OPRM1: variants seen among roughly 807,000 people sequenced by gnomAD.
OPRM1 encodes the protein mu-type opioid receptor.
OPRM1 carries 27 observed loss-of-function variants against 31.8 expected under a neutral mutation model. The observed-to-expected ratio is 0.85, with a 90% confidence interval of 0.63 to 1.17. The LOEUF is 1.17. Ranked by LOEUF, OPRM1 falls within the 50% of genes most tolerant of loss-of-function variation. OPRM1 has a pLI of 0.00. For missense variants in OPRM1, 536 were observed against 511.1 expected (o/e 1.05, Z -0.47); for synonymous variants, 196 against 189.9 (o/e 1.03, Z -0.26).
exon 1 of OPRM1, chr6:154,010,934 A>G: frequency 7.7e-7 from 1 of 1,300,160 alleles, no homozygotes; most frequent in African/African-American, 1.5e-5. Flanking sequence ...TTTCCTGGAA[A>G]CCTGGAGCAC....
intron 3 of OPRM1, among the ~76,000 whole-genome samples, chr6:154,162,704 T>A (rs1353822030): frequency 1.9e-5 from 1 of 53,484 alleles, no homozygotes; most frequent in Non-Finnish European, 4.6e-5. Flanking sequence ...CTCTGCTCTA[T>A]CTATGTTCAT....
At chr6:154,052,240 A>C (rs1365460015) in intron 1 of OPRM1, among the ~76,000 whole-genome samples, 1 of 152,152 alleles carries the variant, frequency 6.6e-6, no homozygotes, top group East Asian at 1.9e-4. Context: ...GGGGCTTAAA[A>C]CCTAGATGAC....
chr6:154,207,595 G>A (rs1313693810), intron 3 of OPRM1, among the ~76,000 whole-genome samples: 1 of 151,950 alleles, frequency 6.6e-6, no homozygotes, highest in East Asian at 1.9e-4. Context: ...TAAAGACGGG[G>A]TTTCACCATG....
intron 3 of OPRM1, among the ~76,000 whole-genome samples, chr6:154,100,094 T>TG (rs1794456084): frequency 1.6e-5 from 1 of 64,158 alleles, no homozygotes; most frequent in Non-Finnish European, 3.0e-5. Context: ...TATATTATCA[T>TG]ATTATGATAT....
At chr6:154,074,755 C>T (rs943094045) in intron 1 of OPRM1, among the ~76,000 whole-genome samples, 2 of 145,710 alleles carry the variant, frequency 1.4e-5, no homozygotes, top group Non-Finnish European at 3.0e-5. Context: ...AGCAAGACTC[C>T]AAATAAAAAA....
chr6:154,238,039 A>T lies in OPRM1; in HGVS notation c.1165-8654A>T, dbSNP rs992986523. Among the ~76,000 whole-genome samples the T allele has an allele frequency of 4.6e-5, 7 of 152,370 alleles. No individual in the cohort carries two copies. In the East Asian group the frequency reaches 1.3e-3, roughly 29 times the overall value. The stretch of plus-strand genomic sequence containing the variant: ...TCTATGCATTGGCAAATCAACTATC[A>T]TATATGCATATATAATTCTTACAGC... On this transcript the variant is annotated intron_variant, in intron 3 of 3. Transcript: ENST00000337049.
At chr6:154,231,851 A>G (rs1246868025) in intron 3 of OPRM1, among the ~76,000 whole-genome samples, 1 of 152,226 alleles carries the variant, frequency 6.6e-6, no homozygotes, top group Non-Finnish European at 1.5e-5. Context: ...ACAAACACGA[A>G]AAAGAAAAGC....
intron 3 of OPRM1, among the ~76,000 whole-genome samples, chr6:154,198,734 T>A (rs984598284): frequency 6.6e-6 from 1 of 152,022 alleles, no homozygotes; most frequent in Admixed American, 6.5e-5. Flanking sequence ...AGGGTACCCA[T>A]CTGAAATTTG....
At chr6:154,216,510 G>A (rs1778405685) in intron 3 of OPRM1, among the ~76,000 whole-genome samples, 2 of 152,148 alleles carry the variant, frequency 1.3e-5, no homozygotes, top group African/African-American at 2.4e-5. Flanking sequence ...CTTCAAAAAC[G>A]ATATGTTTTT....
At chr6:154,226,615 CAA>C (rs918840054) in intron 3 of OPRM1, among the ~76,000 whole-genome samples, 2 of 152,128 alleles carry the variant, frequency 1.3e-5, no homozygotes, top group African/African-American at 4.8e-5. Flanking sequence ...TGAATTACCG[CAA>C]AAGTCTCCTC....
intron 3 of OPRM1, among the ~76,000 whole-genome samples, chr6:154,229,053 T>A (rs769286248): frequency 2.0e-5 from 3 of 152,202 alleles, no homozygotes; most frequent in African/African-American, 7.2e-5. Flanking sequence ...CCTATTCCCT[T>A]AAGTCTGGAC....
At chr6:154,223,865 T>C (rs962150107) in intron 3 of OPRM1, among the ~76,000 whole-genome samples, 1 of 152,248 alleles carries the variant, frequency 6.6e-6, no homozygotes, top group African/African-American at 2.4e-5. Context: ...AGTCCCATCA[T>C]TGATTTCTGG....
At chr6:154,150,017 A>G (rs1798457605) in intron 3 of OPRM1, among the ~76,000 whole-genome samples, 1 of 152,210 alleles carries the variant, frequency 6.6e-6, no homozygotes, top group Admixed American at 6.5e-5. Context: ...ATGTCCCACC[A>G]AGGCAGATTA....
chr6:154,089,102 G>A (rs1369828348), intron 1 of OPRM1, among the ~76,000 whole-genome samples: 1 of 152,096 alleles, frequency 6.6e-6, no homozygotes, highest in East Asian at 1.9e-4. Flanking sequence ...GTTTGTATGT[G>A]CATGTGTTTG....
At chr6:154,226,425 G>T (rs144412821) in intron 3 of OPRM1, among the ~76,000 whole-genome samples, 3 of 151,910 alleles carry the variant, frequency 2.0e-5, no homozygotes, top group African/African-American at 7.2e-5. Flanking sequence ...TGACTTCAGT[G>T]AATAATATCA....
At chr6:154,140,331 TA>T (rs1413483543) in intron 3 of OPRM1, among the ~76,000 whole-genome samples, 22 of 119,744 alleles carry the variant, frequency 1.8e-4, no homozygotes, top group South Asian at 1.6e-3. Flanking sequence ...TATGTTATTT[TA>T]TTTTTTTTTT....
At position 154,091,293 on chromosome 6, in the gene OPRM1, A is replaced by G. The variant is rs1792112005; in HGVS notation, c.985A>G (p.Thr329Ala). Residue 329 changes from threonine to alanine, a missense_variant, in exon 3 of 4, where the codon ACA (threonine) becomes GCA (alanine). Transcript: ENST00000330432. ...SWHFCIALGY[T>A]NSCLNPVLYA... ...GCACTTCTGCATTGCTCTAGGTTAC[A>G]CAAACAGCTGCCTCAACCCAGTCCT... 1.2e-6 allele frequency: 2 copies of G among 1,614,196 alleles called. No individual in the cohort carries two copies. Among genetic ancestry groups the G allele is most frequent in the South Asian group, 2.2e-5 (2 of 91,086 alleles).
rs1797237300 is a variant in OPRM1 at position 154,120,350 on chromosome 6, C to T, written c.*1629C>T. Among the ~76,000 whole-genome samples the T allele has an allele frequency of 1.3e-5, 2 of 152,116 alleles. No homozygotes were observed. The highest frequency in any genetic ancestry group is 6.6e-5 in the Admixed American group (1 of 15,262). On this transcript the variant is annotated 3_prime_UTR_variant, in exon 4 of 4. Coordinates refer to ENST00000330432, the MANE Select transcript of OPRM1 (RefSeq NM_000914.5). The stretch of plus-strand genomic sequence containing the variant: ...GATCTATTGGCTATAGTTATGTGGA[C>T]TCAACCCACGTATCCAGTAGATGGG...
At chr6:154,060,364 C>A (rs1450276885) in intron 1 of OPRM1, among the ~76,000 whole-genome samples, 1 of 152,240 alleles carries the variant, frequency 6.6e-6, no homozygotes, top group East Asian at 1.9e-4. Context: ...AAGTACCCAG[C>A]AAAGTAGTGG....
Sources: gnomAD v4.1 joint callset for allele counts (sites outside exome capture counted in the v4.1 genomes callset) on GRCh38, gnomAD v4.1.1 for gene constraint, MANE v1.5 for transcripts, NCBI Gene and HGNC (gene_info 2026-07-23, HGNC 2026-07-21) for gene names.